Variants in PHACTR1 observed in about 807,000 individuals in gnomAD.
PHACTR1 encodes RPEL repeat containing 1.
A neutral mutation model predicts 69.2 loss-of-function variants in PHACTR1; 16 were observed. The ratio of observed to expected loss-of-function variants is 0.23; its 90% CI spans 0.16 to 0.35. The LOEUF (loss-of-function observed/expected upper bound fraction) is 0.35, where lower values mean the gene tolerates loss of function less well. PHACTR1 is among the 10% of genes least tolerant of loss of function. The pLI, the probability that PHACTR1 is intolerant of heterozygous loss-of-function variation, is 1.00. For missense variants in PHACTR1, 510 were observed against 734.7 expected, an observed-to-expected ratio of 0.69 and a Z score of 3.54; for synonymous variants, 312 against 284.5, an observed-to-expected ratio of 1.10 and a Z score of -0.97.
intron 12 of PHACTR1, chr6:13,281,223 C>T (rs1780119718): frequency 2.0e-6 from 2 of 1,013,026 alleles, no homozygotes; most frequent in South Asian, 1.6e-5. Context: ...AAAGTCAGGG[C>T]TTAACAACTT....
intron 4 of PHACTR1, among the ~76,000 whole-genome samples, chr6:12,805,575 C>A (rs1581833812): frequency 6.6e-6 from 1 of 151,562 alleles, no homozygotes; most frequent in South Asian, 2.1e-4. Flanking sequence ...TTCTTTCTTT[C>A]TTTCTCTCTC....
chr6:12,953,941 A>G (rs1562049011), intron 4 of PHACTR1, among the ~76,000 whole-genome samples: 1 of 152,214 alleles, frequency 6.6e-6, no homozygotes, highest in Admixed American at 6.5e-5. Flanking sequence ...ATAGCATATT[A>G]TAAGATTATA....
intron 3 of PHACTR1, among the ~76,000 whole-genome samples, chr6:12,733,602 C>T (rs1203294155): frequency 1.3e-5 from 2 of 152,182 alleles, no homozygotes; most frequent in Non-Finnish European, 2.9e-5. Flanking sequence ...CCCAGTTTCT[C>T]AATGTCTCAT....
intron 2 of PHACTR1, 21 bp from the exon 3 acceptor site, chr6:12,718,678 A>ATT: frequency 2.7e-6 from 2 of 754,614 alleles, no homozygotes; most frequent in South Asian, 2.4e-5. Context: ...AATATTGTGG[A>ATT]TTTTTTTTTC....
intron 5 of PHACTR1, among the ~76,000 whole-genome samples, chr6:13,062,861 A>G (rs900459093): frequency 2.0e-5 from 3 of 152,102 alleles, no homozygotes; most frequent in African/African-American, 7.2e-5. Context: ...CACCATGAAG[A>G]CTCTATGGCC....
intron 5 of PHACTR1, among the ~76,000 whole-genome samples, chr6:13,119,554 G>T (rs1176703533): frequency 6.6e-6 from 1 of 152,166 alleles, no homozygotes; most frequent in Non-Finnish European, 1.5e-5. Context: ...GATGCTGGGG[G>T]AAGAGGCCCC....
chr6:12,978,186 C>T (rs1411663150), intron 4 of PHACTR1, among the ~76,000 whole-genome samples: 2 of 152,208 alleles, frequency 1.3e-5, no homozygotes, highest in Non-Finnish European at 2.9e-5. Context: ...ATCCACTCTA[C>T]TCCTCCATCT....
intron 4 of PHACTR1, among the ~76,000 whole-genome samples, chr6:12,937,231 A>T (rs942184979): frequency 6.6e-6 from 1 of 152,182 alleles, no homozygotes; most frequent in South Asian, 2.1e-4. Context: ...CACCTTCAGC[A>T]ACAGAACCAC....
In PHACTR1 at chr6:12,840,410, C is replaced by A. The variant is rs1201002798; in HGVS notation, c.250+90620C>A. 2.0e-5 allele frequency among the ~76,000 whole-genome samples: 3 copies of A among 152,144 alleles called. No homozygotes were observed. In the East Asian group the frequency reaches 5.8e-4, roughly 29 times the overall value. ...GCCCATTTGTTCTGTTAACTTGCTC[C>A]ATCATGCTAACAACCTAAGCATAAC... On this transcript the variant is annotated intron_variant, in intron 4 of 14. Transcript: ENST00000332995.
intron 3 of PHACTR1, 72 bp downstream of exon 3, chr6:12,718,919 G>C: frequency 2.4e-6 from 2 of 837,144 alleles, no homozygotes; most frequent in Non-Finnish European, 3.7e-6. Context: ...GTAGGCTGTA[G>C]CTGTTAAAGC....
intron 7 of PHACTR1, among the ~76,000 whole-genome samples, chr6:13,199,152 C>G (rs2113833714): frequency 6.6e-6 from 1 of 152,192 alleles, no homozygotes; most frequent in Non-Finnish European, 1.5e-5. Flanking sequence ...CTTTGGGAGG[C>G]CAAGGCAGGT....
At chr6:13,146,535 G>T (rs1045147076) in intron 5 of PHACTR1, among the ~76,000 whole-genome samples, 2 of 152,180 alleles carry the variant, frequency 1.3e-5, no homozygotes, top group African/African-American at 4.8e-5. Context: ...CAGCAGGGTT[G>T]ATCCAACCAT....
chr6:13,144,249 T>C (rs1418729619), intron 5 of PHACTR1, among the ~76,000 whole-genome samples: 1 of 152,086 alleles, frequency 6.6e-6, no homozygotes, highest in African/African-American at 2.4e-5. Flanking sequence ...GGTTTAAAGA[T>C]TGAAAGCAAT....
intron 5 of PHACTR1, among the ~76,000 whole-genome samples, chr6:13,084,413 C>A (rs4273675): frequency 0.8 from 119,640 of 148,634 alleles, 48,317 homozygotes; most frequent in East Asian, 0.93. Context: ...TAGGAGATAT[C>A]CCTAATGCTA....
rs542702879 is a variant in PHACTR1, at chr6:13,082,553, C to T, written c.415+29024C>T. On this transcript the variant is annotated intron_variant, in intron 5 of 14. Transcript: ENST00000332995. ...CTTCCACAATGGTTGAACTAGTTTACAGTCCCACCAACAGTGTAAAAGTGT... is the reference window on the plus strand; with the variant it reads ...CTTCCACAATGGTTGAACTAGTTTATAGTCCCACCAACAGTGTAAAAGTGT... Among the ~76,000 whole-genome samples, 95 of 152,314 alleles carry T rather than the reference C, an allele frequency of 6.2e-4. 1 individual carries two copies. Among genetic ancestry groups the T allele is most frequent in the Non-Finnish European group, 1.0e-3 (71 of 68,024 alleles).
intron 4 of PHACTR1, among the ~76,000 whole-genome samples, chr6:12,997,878 G>A (rs890271614): frequency 2.6e-5 from 4 of 152,036 alleles, no homozygotes; most frequent in African/African-American, 7.2e-5. Flanking sequence ...GTGTGAACCC[G>A]GGAGGCAGAG....
intron 4 of PHACTR1, among the ~76,000 whole-genome samples, chr6:12,857,808 A>T (rs1445780617): frequency 6.6e-6 from 1 of 152,152 alleles, no homozygotes; most frequent in Non-Finnish European, 1.5e-5. Flanking sequence ...TCCCACCCTT[A>T]GGTAAAGAAA....
chr6:12,743,187 A>AG (rs1170543123), intron 3 of PHACTR1, among the ~76,000 whole-genome samples: 3 of 73,882 alleles, frequency 4.1e-5, no homozygotes, highest in African/African-American at 1.4e-4. Flanking sequence ...TCTAAATTGC[A>AG]GGAAAAAAAA....
chr6:12,893,827 A>T (rs571426130), intron 4 of PHACTR1, among the ~76,000 whole-genome samples: 1 of 152,326 alleles, frequency 6.6e-6, no homozygotes, highest in Admixed American at 6.5e-5. Context: ...CAAGTGTCAC[A>T]TGGGCTTCCA....
Sources: gnomAD v4.1 joint callset for allele counts (sites outside exome capture counted in the v4.1 genomes callset) on GRCh38, gnomAD v4.1.1 for gene constraint, MANE v1.5 for transcripts, NCBI Gene and HGNC (gene_info 2026-07-23, HGNC 2026-07-21) for gene names.